EYA3: variants seen among roughly 807,000 people sequenced by gnomAD.
EYA3 encodes the protein protein phosphatase EYA3.
EYA3 carries 39 observed loss-of-function variants against 80.0 expected under a neutral mutation model. The observed-to-expected ratio is 0.49, with a 90% CI of 0.38 to 0.64. The LOEUF is 0.64. EYA3 is among the 30% of genes least tolerant of loss of function. EYA3 has a pLI of 0.00. For missense variants in EYA3, 523 were observed against 676.1 expected (o/e 0.77, Z 2.51); for synonymous variants, 206 against 232.8 (o/e 0.88, Z 1.05).
intron 7 of EYA3, among the ~76,000 whole-genome samples, chr1:28,021,965 G>A (rs760793633): frequency 6.6e-6 from 1 of 151,976 alleles, no homozygotes; most frequent in Non-Finnish European, 1.5e-5. Flanking sequence ...CTCTCATTAT[G>A]TGACTAATAT....
intron 1 of EYA3, among the ~76,000 whole-genome samples, chr1:28,087,023 A>G (rs1263966577): frequency 6.6e-6 from 1 of 152,330 alleles, no homozygotes; most frequent in Middle Eastern, 3.4e-3. Flanking sequence ...AATTAGCCAA[A>G]AGATAAGCAG....
intron 10 of EYA3, among the ~76,000 whole-genome samples, chr1:28,006,801 G>C (rs755424583): frequency 1.1e-4 from 17 of 152,226 alleles, no homozygotes; most frequent in Middle Eastern, 6.8e-3. Flanking sequence ...CCTGAGACAA[G>C]GATGTCTGTT....
At position 28,035,581 on chromosome 1, in the gene EYA3, G is replaced by A. The variant is rs1643402770; in HGVS notation, c.324C>T (p.Tyr108=). ...GTCCATACGTTTGGGTTGCCTGAGG[G>A]TAGACAGCATAGGGTTGAGTCTGCT... The part of the protein sequence containing the change: ...TLQQTQPYAV[Y]PQATQTYGLP... Residue 108 remains tyrosine, a synonymous_variant, in exon 6 of 18, where the codon TAC becomes TAT. Coordinates refer to ENST00000373871, the MANE Select transcript of EYA3 (RefSeq NM_001990.4). 1 of 1,614,098 alleles carries A rather than the reference G, an allele frequency of 6.2e-7. No individual in the cohort carries two copies. The highest frequency in any genetic ancestry group is 8.5e-7 in the Non-Finnish European group (1 of 1,179,982).
intron 11 of EYA3, among the ~76,000 whole-genome samples, chr1:28,003,896 T>C (rs1315917293): frequency 6.6e-6 from 1 of 152,192 alleles, no homozygotes; most frequent in Non-Finnish European, 1.5e-5. Context: ...TTAATCTATT[T>C]TAGAAAGATA....
At chr1:28,057,966 A>C in intron 2 of EYA3, 28 bp downstream of exon 2, 1 of 1,459,318 alleles carries the variant, frequency 6.9e-7, no homozygotes, top group East Asian at 2.3e-5. Context: ...TCTACAATCA[A>C]CTTTAAACTG....
chr1:28,060,931 G>A (rs1462336263), intron 1 of EYA3, among the ~76,000 whole-genome samples: 1 of 152,142 alleles, frequency 6.6e-6, no homozygotes, highest in Non-Finnish European at 1.5e-5. Context: ...AGAGAATCGC[G>A]TGAACCTGGG....
At chr1:28,054,468 A>G (rs1199112572) in intron 2 of EYA3, among the ~76,000 whole-genome samples, 4 of 152,222 alleles carry the variant, frequency 2.6e-5, no homozygotes, top group African/African-American at 4.8e-5. Flanking sequence ...AAGCACCTCA[A>G]TTATTTTAAA....
chr1:28,037,056 T>C (rs187934589), intron 5 of EYA3, among the ~76,000 whole-genome samples: 2 of 152,002 alleles, frequency 1.3e-5, no homozygotes, highest in African/African-American at 2.4e-5. Flanking sequence ...TTAAGAGAAG[T>C]AGCGAGAGAA....
At chr1:27,983,728 T>G (rs1333042037) in intron 16 of EYA3, among the ~76,000 whole-genome samples, 3 of 152,174 alleles carry the variant, frequency 2.0e-5, no homozygotes, top group Non-Finnish European at 4.4e-5. Context: ...CAATCTTGGC[T>G]TACTGCAACC....
chr1:28,045,773 G>A (rs542702510), intron 3 of EYA3, among the ~76,000 whole-genome samples: 103 of 152,078 alleles, frequency 6.8e-4, no homozygotes, highest in Non-Finnish European at 1.3e-3. Context: ...AAAAACAACT[G>A]CTCTAAAATA....
chr1:28,031,820 G>A (rs757120169), intron 6 of EYA3: 2 of 152,046 alleles, frequency 1.3e-5, no homozygotes, highest in Non-Finnish European at 2.9e-5. Context: ...TAAAACGTCT[G>A]TAGGAAAAAC....
At chr1:27,986,612 G>A (rs1639675062) in intron 16 of EYA3, among the ~76,000 whole-genome samples, 1 of 151,980 alleles carries the variant, frequency 6.6e-6, no homozygotes, top group African/African-American at 2.4e-5. Flanking sequence ...GGCCAGGCTG[G>A]TCTTGAACTC....
chr1:27,991,447 T>C (rs1299205548), intron 14 of EYA3, among the ~76,000 whole-genome samples: 1 of 152,172 alleles, frequency 6.6e-6, no homozygotes, highest in African/African-American at 2.4e-5. Flanking sequence ...AGAGAGCTCA[T>C]ATGATGGGAG....
At chr1:27,978,333 G>A (rs780252182) in intron 17 of EYA3, 41 bp downstream of exon 17, 4 of 1,412,482 alleles carry the variant, frequency 2.8e-6, no homozygotes, top group East Asian at 2.3e-5. Context: ...CTCATTACTC[G>A]ATGTACAACC....
intron 7 of EYA3, among the ~76,000 whole-genome samples, chr1:28,019,449 A>G (rs1642281947): frequency 6.6e-6 from 1 of 152,222 alleles, no homozygotes; most frequent in Non-Finnish European, 1.5e-5. Flanking sequence ...GACTCTGTAA[A>G]TGGTTTTAAC....
chr1:28,069,361 G>A (rs1407847561), intron 1 of EYA3, among the ~76,000 whole-genome samples: 2 of 151,786 alleles, frequency 1.3e-5, no homozygotes, highest in African/African-American at 2.4e-5. Context: ...TACCCACCTC[G>A]GCCTCCCAAA....
In EYA3 at chr1:27,974,581, T is replaced by C. The variant is rs776778665; in HGVS notation, c.1642-35A>G. The C allele has an allele frequency of 3.2e-6, 5 of 1,558,336 alleles. No homozygotes were observed. The African/African-American group carries it at 5.4e-5, about 17-fold the overall frequency. On this transcript the variant is annotated intron_variant, in intron 17 of 17. Coordinates refer to ENST00000373871, the MANE Select transcript of EYA3 (RefSeq NM_001990.4). Reference sequence around the variant, plus strand: ...AGTGGGAATAGCTGGTTAATCCAACTTCTTCTGAGAGCTTATATAAATATT... The same window carrying C: ...AGTGGGAATAGCTGGTTAATCCAACCTCTTCTGAGAGCTTATATAAATATT...
In EYA3 at chr1:28,004,227, G is replaced by C. The variant is rs1428320902; in HGVS notation, c.993+109C>G. 14 of 710,526 alleles carry C rather than the reference G, an allele frequency of 2.0e-5. No homozygotes were observed. In the East Asian group the frequency reaches 3.8e-4, roughly 19 times the overall value. The allele number at this position is 710,526 out of a possible 1,614,324, so 44.0% of individuals were successfully genotyped here. A position where few individuals can be genotyped will look rare whatever the true frequency, so the allele number is the denominator to read the frequency against. On this transcript the variant is annotated intron_variant, in intron 11 of 17. Transcript: ENST00000373871. ...TTTGTTGAAGTTTTACATGGAAAGT[G>C]AAAAGCCAGCCAACAGGGGTAGCAG...
At chr1:28,019,829 T>C (rs1642311082) in intron 7 of EYA3, among the ~76,000 whole-genome samples, 1 of 152,064 alleles carries the variant, frequency 6.6e-6, no homozygotes, top group Non-Finnish European at 1.5e-5. Context: ...GTTTCCCAGG[T>C]AGCTGAGATT....
Sources: gnomAD v4.1 joint callset for allele counts (sites outside exome capture counted in the v4.1 genomes callset) on GRCh38, gnomAD v4.1.1 for gene constraint, MANE v1.5 for transcripts, NCBI Gene and HGNC (gene_info 2026-07-23, HGNC 2026-07-21) for gene names.